Variants in SERPINE2 observed in about 807,000 individuals in gnomAD.
SERPINE2 encodes serpin family E member 2.
In SERPINE2, 14 loss-of-function variants were observed where a neutral mutation model predicts 36.3. The observed-to-expected ratio is 0.39, with a 90% CI of 0.25 to 0.60. SERPINE2 has a LOEUF of 0.60. Ranked by LOEUF, SERPINE2 falls within the 20% of genes least tolerant of loss-of-function variation. The probability of loss-of-function intolerance (pLI) is 0.57; values close to 1 mark genes in which losing one functional copy is unlikely to be tolerated. For missense variants in SERPINE2, 418 were observed against 499.6 expected (o/e 0.84, Z 1.56); for synonymous variants, 192 against 191.8 (o/e 1.00, Z -0.01).
intron 1 of SERPINE2, among the ~76,000 whole-genome samples, chr2:224,021,885 C>T (rs1405364255): frequency 6.6e-6 from 1 of 152,058 alleles, no homozygotes. Flanking sequence ...TTAGGCTGGG[C>T]GTGGTGGCTC....
intron 1 of SERPINE2, among the ~76,000 whole-genome samples, chr2:224,036,931 G>C (rs1347790869): frequency 6.6e-6 from 1 of 151,720 alleles, no homozygotes; most frequent in Non-Finnish European, 1.5e-5. Flanking sequence ...TGGGATTCAG[G>C]ACACAGCTGG....
chr2:224,032,888 G>A (rs868526689), intron 1 of SERPINE2, among the ~76,000 whole-genome samples: 53 of 152,314 alleles, frequency 3.5e-4, no homozygotes, highest in African/African-American at 9.9e-4. Context: ...AAGGGATGCC[G>A]ACTTCCCTGG....
At chr2:224,006,039 G>A (rs140594701) in intron 1 of SERPINE2, among the ~76,000 whole-genome samples, 35 of 152,258 alleles carry the variant, frequency 2.3e-4, no homozygotes, top group African/African-American at 7.5e-4. Flanking sequence ...ATGATTTAAC[G>A]TAGTAAATAA....
At position 224,037,180 on chromosome 2, in the gene SERPINE2, G is replaced by A. The variant is rs533114935; in HGVS notation, c.-23+1919C>T. On this transcript the variant is annotated intron_variant, in intron 1 of 8. Coordinates refer to ENST00000409304, the MANE Select transcript of SERPINE2 (RefSeq NM_001136528.2). ...CCCAGACACAGTAGATGCTTAAGAA[G>A]ATTTATTGGATGACTGGGTAAACAC... Among the ~76,000 whole-genome samples, 45 of 152,308 alleles carry A rather than the reference G, an allele frequency of 3.0e-4. 1 individual carries two copies. Among genetic ancestry groups the A allele is most frequent in the African/African-American group, 1.0e-3 (42 of 41,568 alleles).
chr2:224,023,393 T>C (rs1388401048), intron 1 of SERPINE2, among the ~76,000 whole-genome samples: 1 of 152,176 alleles, frequency 6.6e-6, no homozygotes, highest in Non-Finnish European at 1.5e-5. Context: ...GCAGCACCAT[T>C]TGGTGATCCA....
chr2:224,036,762 G>A (rs937121874), intron 1 of SERPINE2, among the ~76,000 whole-genome samples: 1 of 152,144 alleles, frequency 6.6e-6, no homozygotes, highest in Admixed American at 6.5e-5. Context: ...AGCCTGGAGA[G>A]ACGTGGTTGT....
intron 1 of SERPINE2, among the ~76,000 whole-genome samples, chr2:224,017,211 T>C (rs1691827675): frequency 6.6e-6 from 1 of 152,266 alleles, no homozygotes; most frequent in East Asian, 1.9e-4. Context: ...TTATGCAAGA[T>C]AATGCCTTTG....
chr2:224,025,635 G>A (rs569101270), intron 1 of SERPINE2, among the ~76,000 whole-genome samples: 36 of 152,332 alleles, frequency 2.4e-4, no homozygotes, highest in African/African-American at 7.7e-4. Context: ...TTCCCAGGTA[G>A]TGTCCACATG....
At chr2:224,027,665 C>T (rs1254763457) in intron 1 of SERPINE2, among the ~76,000 whole-genome samples, 1 of 152,146 alleles carries the variant, frequency 6.6e-6, no homozygotes, top group East Asian at 1.9e-4. Context: ...CCTCTACAGA[C>T]AATGCTCCCT....
At chr2:224,003,355 C>T (rs1332322191) in intron 1 of SERPINE2, among the ~76,000 whole-genome samples, 2 of 152,154 alleles carry the variant, frequency 1.3e-5, no homozygotes, top group Admixed American at 1.3e-4. Context: ...TACAAGAAAC[C>T]CCTGGAGGAT....
intron 1 of SERPINE2, chr2:224,038,460 G>A: frequency 1.2e-5 from 19 of 1,547,982 alleles, no homozygotes; most frequent in Non-Finnish European, 1.6e-5. Flanking sequence ...ATTCCTTCCA[G>A]AATTTCTGAG....
Position 223,980,291 on chromosome 2 carries a change from C to T in SERPINE2, c.1072+20G>A, listed in dbSNP as rs769233570. Reference sequence around the variant, plus strand: ...TGCTCCCCTGCTAGAGGAAGCCCTGCCACGTGACCCAGTGCTTACTTGTTG... The same window carrying T: ...TGCTCCCCTGCTAGAGGAAGCCCTGTCACGTGACCCAGTGCTTACTTGTTG... On this transcript the variant is annotated intron_variant, in intron 7 of 8. Coordinates refer to ENST00000409304, the MANE Select transcript of SERPINE2 (RefSeq NM_001136528.2). The T allele has an allele frequency of 1.9e-6, 3 of 1,600,558 alleles. No homozygotes were observed. Among genetic ancestry groups the T allele is most frequent in the Non-Finnish European group, 2.6e-6 (3 of 1,167,628 alleles).
intron 7 of SERPINE2, 50 bp downstream of exon 7, chr2:223,980,261 G>A (rs1690174183): frequency 2.1e-6 from 3 of 1,422,862 alleles, no homozygotes; most frequent in South Asian, 2.3e-5. Context: ...ATACAGGAAT[G>A]TGTTTGCTCC....
At chr2:223,977,153 G>A (rs1690044954) in intron 8 of SERPINE2, among the ~76,000 whole-genome samples, 1 of 152,116 alleles carries the variant, frequency 6.6e-6, no homozygotes, top group South Asian at 2.1e-4. Flanking sequence ...ACCCACTCTA[G>A]GGTATTTCTT....
chr2:223,977,151 T>C (rs1690044864), intron 8 of SERPINE2, among the ~76,000 whole-genome samples: 1 of 152,222 alleles, frequency 6.6e-6, no homozygotes, highest in African/African-American at 2.4e-5. Context: ...TTACCCACTC[T>C]AGGGTATTTC....
At position 223,977,691 on chromosome 2, in the gene SERPINE2, C is replaced by G. The variant is rs924976582; in HGVS notation, c.1073-64G>C. ...TGAGACCATGTAAGCATAAGGCCAG[C>G]AAGTTAGCTAGCTTCATGGACCCTC... On this transcript the variant is annotated intron_variant, in intron 7 of 8. Transcript: ENST00000409304. The G allele has an allele frequency of 1.2e-5, 13 of 1,089,540 alleles. No individual in the cohort carries two copies. In the African/African-American group the frequency reaches 1.7e-4, roughly 14 times the overall value. The allele number at this position is 1,089,540 out of a possible 1,614,324, so 67.5% of individuals were successfully genotyped here.
At chr2:224,019,202 T>C (rs376436585) in intron 1 of SERPINE2, among the ~76,000 whole-genome samples, 19 of 152,322 alleles carry the variant, frequency 1.2e-4, no homozygotes, top group African/African-American at 4.6e-4. Flanking sequence ...TAAAGTTGAA[T>C]TTATAAATTA....
chr2:224,030,567 T>G (rs1325418654), intron 1 of SERPINE2: 1 of 152,348 alleles, frequency 6.6e-6, no homozygotes, highest in Non-Finnish European at 1.5e-5. Context: ...GTTTAGAAAT[T>G]TGGCTTTGGC....
At chr2:224,031,335 G>A in intron 1 of SERPINE2, 3 of 985,402 alleles carry the variant, frequency 3.0e-6, no homozygotes, top group Non-Finnish European at 3.6e-6. Flanking sequence ...GAGTGGGAAT[G>A]ATATCAGCAT....
Sources: allele counts gnomAD v4.1 joint callset (sites outside exome capture counted in the v4.1 genomes callset), GRCh38; gene constraint gnomAD v4.1.1; transcripts MANE v1.5; gene names NCBI Gene and HGNC (gene_info 2026-07-23, HGNC 2026-07-21).